Variants in PRKG1 observed in about 807,000 individuals in gnomAD.
PRKG1 encodes the protein cGMP-dependent protein kinase 1.
PRKG1 carries 35 observed loss-of-function variants against 88.1 expected under a neutral mutation model. The observed-to-expected ratio is 0.40, with a 90% CI of 0.30 to 0.53. The LOEUF (loss-of-function observed/expected upper bound fraction) is 0.53. Ranked by LOEUF, PRKG1 falls within the 20% of genes least tolerant of loss-of-function variation. The pLI, the probability that PRKG1 is intolerant of heterozygous loss-of-function variation, is 0.59. For missense variants in PRKG1, 540 were observed against 839.8 expected, an observed-to-expected ratio of 0.64 and a Z score of 4.41; for synonymous variants, 303 against 292.5, an observed-to-expected ratio of 1.04 and a Z score of -0.37.
At chr10:51,819,090 C>G (rs577387224) in intron 4 of PRKG1, among the ~76,000 whole-genome samples, 1 of 142,168 alleles carries the variant, frequency 7.0e-6, no homozygotes, top group South Asian at 2.4e-4. Flanking sequence ...GTTTATTTGA[C>G]TCATGGTTCT....
At chr10:51,419,058 C>G (rs1231793111) in intron 2 of PRKG1, among the ~76,000 whole-genome samples, 1 of 152,028 alleles carries the variant, frequency 6.6e-6, no homozygotes, top group Admixed American at 6.6e-5. Context: ...ACCATACTAG[C>G]TTAGTTATAA....
intron 7 of PRKG1, among the ~76,000 whole-genome samples, chr10:52,126,186 G>A (rs1056416467): frequency 3.9e-5 from 6 of 151,978 alleles, no homozygotes; most frequent in Non-Finnish European, 8.8e-5. Flanking sequence ...TGGTGGTGGG[G>A]CAGGGGAGGG....
chr10:52,158,224 C>T (rs545735876), intron 8 of PRKG1, among the ~76,000 whole-genome samples: 25 of 151,682 alleles, frequency 1.6e-4, no homozygotes, highest in African/African-American at 5.3e-4. Flanking sequence ...TGTTAAAACT[C>T]ATAAATAATA....
intron 1 of PRKG1, among the ~76,000 whole-genome samples, chr10:51,084,159 A>G (rs989431861): frequency 9.2e-5 from 14 of 152,188 alleles, no homozygotes; most frequent in African/African-American, 3.1e-4. Context: ...AGGGAAGTTA[A>G]TCATAAGTAA....
At chr10:51,451,119 T>C (rs1839425845) in intron 2 of PRKG1, among the ~76,000 whole-genome samples, 1 of 151,878 alleles carries the variant, frequency 6.6e-6, no homozygotes, top group Admixed American at 6.6e-5. Context: ...ATAACTAAAA[T>C]AATATAAAAT....
chr10:51,653,669 C>A (rs1012078670), intron 3 of PRKG1, among the ~76,000 whole-genome samples: 5 of 151,926 alleles, frequency 3.3e-5, no homozygotes, highest in Non-Finnish European at 7.4e-5. Flanking sequence ...CGAGTTCAAG[C>A]AATTCTCTTG....
chr10:51,506,661 G>A (rs377682278), intron 3 of PRKG1, among the ~76,000 whole-genome samples: 10,578 of 152,206 alleles, frequency 0.069, 525 homozygotes, highest in East Asian at 0.12. Context: ...AACAGGTGCT[G>A]GAGAGGATGT....
At chr10:51,634,765 T>G (rs1315292082) in intron 3 of PRKG1, among the ~76,000 whole-genome samples, 1 of 152,108 alleles carries the variant, frequency 6.6e-6, no homozygotes, top group African/African-American at 2.4e-5. Flanking sequence ...TAAAAAAGAA[T>G]GAGATTCTAT....
At chr10:51,239,966 G>A (rs962286124) in intron 2 of PRKG1, among the ~76,000 whole-genome samples, 3 of 152,156 alleles carry the variant, frequency 2.0e-5, no homozygotes, top group African/African-American at 7.2e-5. Flanking sequence ...ATAAATACTG[G>A]CTATCAGTAA....
At chr10:51,418,347 T>C (rs1321672486) in intron 2 of PRKG1, among the ~76,000 whole-genome samples, 2 of 152,034 alleles carry the variant, frequency 1.3e-5, no homozygotes, top group Non-Finnish European at 2.9e-5. Context: ...GGCTGAATCA[T>C]ACAACACTAT....
At chr10:51,793,138 CAAAAAAA>C (rs775904836) in intron 3 of PRKG1, among the ~76,000 whole-genome samples, 1 of 69,760 alleles carries the variant, frequency 1.4e-5, no homozygotes, top group Non-Finnish European at 2.6e-5. Flanking sequence ...CAGCACACTG[CAAAAAAA>C]AAAAAAAAAA....
rs868203485 is a variant in PRKG1 at position 51,126,207 on chromosome 10, A to G, written c.312-26957A>G. 3.3e-3 allele frequency among the ~76,000 whole-genome samples: 402 copies of G among 122,038 alleles called. 3 individuals are homozygous for G. Among genetic ancestry groups the G allele is most frequent in the Non-Finnish European group, 4.6e-3 (291 of 63,510 alleles). 80.1% of individuals were successfully genotyped at this position (122,038 alleles called of 152,430 possible). On this transcript the variant is annotated intron_variant, in intron 1 of 17. Coordinates refer to ENST00000373980, the MANE Select transcript of PRKG1 (RefSeq NM_006258.4). Reference sequence around the variant, plus strand: ...ATATATAATTATTTATATGTTATTTATAATTATTTATATATTTATATATTT... The same window carrying G: ...ATATATAATTATTTATATGTTATTTGTAATTATTTATATATTTATATATTT...
At chr10:51,535,630 G>A (rs1842126759) in intron 3 of PRKG1, among the ~76,000 whole-genome samples, 2 of 151,580 alleles carry the variant, frequency 1.3e-5, no homozygotes. Flanking sequence ...AAATGAGAAG[G>A]CAACAATCAA....
intron 3 of PRKG1, among the ~76,000 whole-genome samples, chr10:51,478,609 A>G (rs544772840): frequency 5.3e-5 from 8 of 152,228 alleles, no homozygotes; most frequent in African/African-American, 1.9e-4. Context: ...GAAATTGCTC[A>G]TATTCATTGC....
intron 3 of PRKG1, among the ~76,000 whole-genome samples, chr10:51,797,744 T>C (rs1410532597): frequency 6.6e-6 from 1 of 151,620 alleles, no homozygotes; most frequent in Non-Finnish European, 1.5e-5. Context: ...TTCATCTTCA[T>C]AACTTTTTCA....
intron 4 of PRKG1, among the ~76,000 whole-genome samples, chr10:51,835,003 A>G (rs570875293): frequency 3.5e-4 from 54 of 152,270 alleles, no homozygotes; most frequent in Admixed American, 5.9e-4. Context: ...AATGTAGACT[A>G]AAAAAAGATG....
At chr10:51,284,926 G>A (rs1840400422) in intron 2 of PRKG1, among the ~76,000 whole-genome samples, 1 of 121,198 alleles carries the variant, frequency 8.3e-6, no homozygotes, top group Non-Finnish European at 1.7e-5. Context: ...TTAAGTTTTA[G>A]GGTACATGTG....
chr10:51,055,417 C>T (rs1843614595), intron 1 of PRKG1, among the ~76,000 whole-genome samples: 2 of 152,056 alleles, frequency 1.3e-5, no homozygotes, highest in African/African-American at 4.8e-5. Flanking sequence ...TTATTTTATT[C>T]ATTATAATCT....
chr10:51,779,415 T>TA (rs1838527467), intron 3 of PRKG1, among the ~76,000 whole-genome samples: 1 of 152,158 alleles, frequency 6.6e-6, no homozygotes, highest in Admixed American at 6.6e-5. Flanking sequence ...AATCCCAATG[T>TA]AAAGTCTCCT....
Sources: allele counts gnomAD v4.1 joint callset (sites outside exome capture counted in the v4.1 genomes callset), GRCh38; gene constraint gnomAD v4.1.1; transcripts MANE v1.5; gene names NCBI Gene and HGNC (gene_info 2026-07-23, HGNC 2026-07-21).